FTCDNL1: variants seen among roughly 807,000 people sequenced by gnomAD.
The protein encoded by FTCDNL1 is formiminotransferase cyclodeaminase N-terminal like, also known as formiminotransferase N-terminal subdomain-containing protein.
FTCDNL1 carries 11 observed loss-of-function variants against 5.9 expected under a neutral mutation model. That is an observed-to-expected ratio of 1.87 (90% confidence interval 1.18 to 3.10). The LOEUF is 3.10. Ranked by LOEUF, FTCDNL1 falls within the 30% of genes most tolerant of loss-of-function variation. The probability of loss-of-function intolerance (pLI) is 0.00; values close to 1 mark genes in which losing one functional copy is unlikely to be tolerated. For synonymous variants in FTCDNL1, 58 were observed against 24.8 expected (o/e 2.34, Z -3.99); for missense variants, 115 against 65.5 (o/e 1.76, Z -2.61).
intron 3 of FTCDNL1, among the ~76,000 whole-genome samples, chr2:199,836,383 G>A (rs1412186004): frequency 6.6e-6 from 1 of 152,010 alleles, no homozygotes. Flanking sequence ...TGTTGCCCAG[G>A]CTGGTCTTGA....
In FTCDNL1 at chr2:199,799,066, C is replaced by T. The variant is rs1446413897; in HGVS notation, c.212-38231G>A. Among the ~76,000 whole-genome samples the T allele has an allele frequency of 3.3e-5, 5 of 152,110 alleles. No individual in the cohort carries two copies. The South Asian group carries it at 8.3e-4, about 25-fold the overall frequency. ...ACACCAGCCTCCAAAATCACTAGGC[C>T]GCCTTTCAGCCCAGGGTTCCCTCCT... On this transcript the variant is annotated intron_variant, in intron 3 of 3. Transcript: ENST00000416668.
intron 3 of FTCDNL1, among the ~76,000 whole-genome samples, chr2:199,787,944 A>G (rs963145346): frequency 1.3e-5 from 2 of 152,194 alleles, no homozygotes; most frequent in Admixed American, 1.3e-4. Flanking sequence ...TGTCATTAGC[A>G]CTAAATGCAA....
At chr2:199,793,653 G>A (rs1163862948) in intron 3 of FTCDNL1, among the ~76,000 whole-genome samples, 1 of 152,134 alleles carries the variant, frequency 6.6e-6, no homozygotes, top group Non-Finnish European at 1.5e-5. Flanking sequence ...CTGAGTCCCA[G>A]TGTAACAATA....
At chr2:199,849,746 A>T (rs1559257435) in intron 1 of FTCDNL1, among the ~76,000 whole-genome samples, 1 of 152,222 alleles carries the variant, frequency 6.6e-6, no homozygotes, top group Non-Finnish European at 1.5e-5. Flanking sequence ...GATATTCATG[A>T]TCTAAAGGAA....
intron 4 of FTCDNL1, among the ~76,000 whole-genome samples, chr2:199,816,161 T>C (rs1701341390): frequency 6.6e-6 from 1 of 152,204 alleles, no homozygotes; most frequent in South Asian, 2.1e-4. Flanking sequence ...TTTATTCACA[T>C]CCCTTATTCA....
chr2:199,816,431 T>C (rs964780888), intron 4 of FTCDNL1, among the ~76,000 whole-genome samples: 17 of 152,304 alleles, frequency 1.1e-4, no homozygotes, highest in African/African-American at 3.4e-4. Flanking sequence ...TTTTATAAAA[T>C]TGACCACTAA....
At chr2:199,716,138 C>T in the FTCDNL1 span, among the ~76,000 whole-genome samples, 2 of 150,644 alleles carry the variant, frequency 1.3e-5, no homozygotes, top group Admixed American at 1.3e-4. Flanking sequence ...TGGCAGTTCT[C>T]TTTAAGATTG....
intron 3 of FTCDNL1, among the ~76,000 whole-genome samples, chr2:199,829,095 G>A (rs1227736990): frequency 6.6e-6 from 1 of 152,186 alleles, no homozygotes; most frequent in African/African-American, 2.4e-5. Flanking sequence ...CACCTGTTCA[G>A]AAAGAACATA....
the FTCDNL1 span, among the ~76,000 whole-genome samples, chr2:199,675,805 G>C: frequency 2.0e-5 from 3 of 152,166 alleles, no homozygotes; most frequent in Non-Finnish European, 4.4e-5. Flanking sequence ...GTCCATGCTA[G>C]AGTATAGTGA....
chr2:199,765,532 T>TTTTATATATATATATCTATATA (rs1436369027), intron 3 of FTCDNL1, among the ~76,000 whole-genome samples: 1 of 79,624 alleles, frequency 1.3e-5, no homozygotes, highest in African/African-American at 3.8e-5. Context: ...TTTGTCTTCA[T>TTTTATATATATATATCTATATA]TATATATATA....
the FTCDNL1 span, among the ~76,000 whole-genome samples, chr2:199,747,898 T>C: frequency 0.015 from 2,297 of 152,280 alleles, 54 homozygotes; most frequent in East Asian, 0.15. Flanking sequence ...AAGACCCTTC[T>C]TGGCCTGGGA....
chr2:199,669,743 A>G, the FTCDNL1 span, among the ~76,000 whole-genome samples: 1 of 152,340 alleles, frequency 6.6e-6, no homozygotes, highest in East Asian at 1.9e-4. Flanking sequence ...GTTTATAACA[A>G]AAGAACAGAA....
intron 3 of FTCDNL1, among the ~76,000 whole-genome samples, chr2:199,821,334 T>C (rs963872409): frequency 6.7e-6 from 1 of 149,776 alleles, no homozygotes; most frequent in East Asian, 1.9e-4. Context: ...TTTTTTTTTT[T>C]TTTTTTTAGT....
intron 3 of FTCDNL1, among the ~76,000 whole-genome samples, chr2:199,767,156 C>T (rs1698576051): frequency 6.6e-6 from 1 of 152,050 alleles, no homozygotes; most frequent in African/African-American, 2.4e-5. Flanking sequence ...AAGTAAAGTG[C>T]CAAATAATCT....
downstream of FTCDNL1, among the ~76,000 whole-genome samples, chr2:199,758,233 A>AT (rs1205521396): frequency 6.6e-6 from 1 of 152,094 alleles, no homozygotes; most frequent in South Asian, 2.1e-4. Flanking sequence ...GAAAAAAAAA[A>AT]TTTTCAGACA....
intron 4 of FTCDNL1, 29 bp from the exon 5 acceptor site, chr2:199,812,753 T>G: frequency 1.4e-6 from 1 of 697,900 alleles, no homozygotes; most frequent in East Asian, 2.7e-5. Context: ...ATCTTTGGTA[T>G]GATTTCGTTT....
chr2:199,728,977 G>A, the FTCDNL1 span, among the ~76,000 whole-genome samples: 10 of 152,134 alleles, frequency 6.6e-5, no homozygotes, highest in Non-Finnish European at 1.2e-4. Flanking sequence ...GGACTCAGAG[G>A]AAAAAGCATG....
the FTCDNL1 span, among the ~76,000 whole-genome samples, chr2:199,737,220 T>C: frequency 2.6e-5 from 4 of 152,252 alleles, no homozygotes; most frequent in Non-Finnish European, 5.9e-5. Flanking sequence ...GCCTCCAGTC[T>C]ATAATTTGGG....
In FTCDNL1 at chr2:199,811,631, T is replaced by A. The variant is rs1417599123; in HGVS notation, c.*1074A>T. 6.6e-6 allele frequency among the ~76,000 whole-genome samples: 1 copy of A among 152,234 alleles called. No individual in the cohort carries two copies. The highest frequency in any genetic ancestry group is 6.5e-5 in the Admixed American group (1 of 15,282). On this transcript the variant is annotated 3_prime_UTR_variant, in exon 5 of 5. Transcript: ENST00000420128. ...GGAGCAAGTCACTTTCAAAGGAAGT[T>A]CCTGCATGTGGACTTGGGGCTTTCC...
Sources: allele counts gnomAD v4.1 joint callset (sites outside exome capture counted in the v4.1 genomes callset), GRCh38; gene constraint gnomAD v4.1.1; transcripts MANE v1.5; gene names NCBI Gene and HGNC (gene_info 2026-07-23, HGNC 2026-07-21).